Variants in ATXN7L1 observed in about 807,000 individuals in gnomAD.
The protein encoded by ATXN7L1 is ataxin-7-like protein 1.
A neutral mutation model predicts 70.8 loss-of-function variants in ATXN7L1; 15 were observed. The observed-to-expected ratio is 0.21, with a 90% CI of 0.14 to 0.33. The LOEUF (loss-of-function observed/expected upper bound fraction) is 0.33. ATXN7L1 is among the 10% of genes least tolerant of loss of function. The pLI, the probability that ATXN7L1 is intolerant of heterozygous loss-of-function variation, is 1.00. For missense variants in ATXN7L1, 975 were observed against 1,097.1 expected (o/e 0.89, Z 1.57); for synonymous variants, 440 against 445.1 (o/e 0.99, Z 0.14).
intron 3 of ATXN7L1, among the ~76,000 whole-genome samples, chr7:105,710,962 G>A (rs1041363752): frequency 3.9e-5 from 6 of 152,190 alleles, no homozygotes; most frequent in African/African-American, 1.4e-4. Flanking sequence ...CAGGCAAAGA[G>A]AGAGAATGAG....
intron 3 of ATXN7L1, among the ~76,000 whole-genome samples, chr7:105,731,748 A>AAAAAGAAAAGAAAAGAAAAGAAAAGAG (rs1554443666): frequency 0.097 from 10,372 of 106,900 alleles, 1,192 homozygotes; most frequent in East Asian, 0.22. Flanking sequence ...CTTACTCCTT[A>AAAAAGAAAAGAAAAGAAAAGAAAAGAG]AAAAGAAAAG....
At chr7:105,859,782 C>CTTTTTTTTTTTTTT (rs34111825) in intron 2 of ATXN7L1, among the ~76,000 whole-genome samples, 1 of 94,146 alleles carries the variant, frequency 1.1e-5, no homozygotes, top group Non-Finnish European at 2.2e-5. Context: ...TTCTTTCTTT[C>CTTTTTTTTTTTTTT]TTTTTTTTTT....
intron 3 of ATXN7L1, among the ~76,000 whole-genome samples, chr7:105,750,570 G>A (rs1374212040): frequency 6.6e-6 from 1 of 152,072 alleles, no homozygotes; most frequent in Non-Finnish European, 1.5e-5. Flanking sequence ...GGGAGGCAGA[G>A]GCGGGTGCAT....
chr7:105,835,399 C>A (rs1812231155), intron 2 of ATXN7L1, among the ~76,000 whole-genome samples: 1 of 151,276 alleles, frequency 6.6e-6, no homozygotes, highest in African/African-American at 2.4e-5. Context: ...AAGGGACCTG[C>A]CCACCTCAGC....
chr7:105,618,572 G>GA (rs1243826069), intron 9 of ATXN7L1, among the ~76,000 whole-genome samples: 1 of 152,178 alleles, frequency 6.6e-6, no homozygotes, highest in Admixed American at 6.5e-5. Context: ...CTGCCTGGGG[G>GA]AGAGGAGGAA....
chr7:105,819,882 T>C lies in ATXN7L1; in HGVS notation c.251-31174A>G, dbSNP rs1809851304. On this transcript the variant is annotated intron_variant, in intron 2 of 11. Transcript: ENST00000419735. ...CCCTCAAGGTCATGCATCTGAAGCCTACAAGAAACTTTGCCTACGTGGGGC... is the reference window on the plus strand; with the variant it reads ...CCCTCAAGGTCATGCATCTGAAGCCCACAAGAAACTTTGCCTACGTGGGGC... The C allele has an allele frequency of 8.6e-6, 5 of 580,120 alleles. No homozygotes were observed. In the Admixed American group the frequency reaches 9.7e-5, roughly 11 times the overall value. 35.9% of individuals were successfully genotyped at this position (580,120 alleles called of 1,614,324 possible). A position where few individuals can be genotyped will look rare whatever the true frequency, so the allele number is the denominator to read the frequency against.
intron 2 of ATXN7L1, among the ~76,000 whole-genome samples, chr7:105,789,004 T>A (rs1430412213): frequency 6.6e-6 from 1 of 152,196 alleles, no homozygotes; most frequent in East Asian, 1.9e-4. Context: ...AATCACCCTG[T>A]CCTGAGAGAA....
chr7:105,853,110 C>G (rs1815124411), intron 2 of ATXN7L1, among the ~76,000 whole-genome samples: 1 of 152,134 alleles, frequency 6.6e-6, no homozygotes, highest in African/African-American at 2.4e-5. Context: ...TTTAGAGTTT[C>G]TGTTTGGGAT....
At chr7:105,623,887 CCCA>C (rs1795290916) in intron 8 of ATXN7L1, among the ~76,000 whole-genome samples, 185 bp downstream of exon 8, 1 of 152,200 alleles carries the variant, frequency 6.6e-6, no homozygotes, top group Admixed American at 6.5e-5. Context: ...AAGCTGGGAG[CCCA>C]TTCCTTTCCT....
At position 105,765,798 on chromosome 7, in the gene ATXN7L1, C is replaced by T. The variant is rs140252236; in HGVS notation, c.355+22806G>A. ...TTAGTAGCCTGTGTAAGAATCCGAT[C>T]CATGCTCAACAGATCCTGCTTGGAG... On this transcript the variant is annotated intron_variant, in intron 3 of 11. Transcript: ENST00000419735. Among the ~76,000 whole-genome samples, 312 of 152,304 alleles carry T rather than the reference C, an allele frequency of 2.0e-3. 2 individuals carry two copies. The highest frequency in any genetic ancestry group is 7.3e-3 in the African/African-American group (302 of 41,560).
chr7:105,743,420 C>T (rs536493811), intron 3 of ATXN7L1, among the ~76,000 whole-genome samples: 2 of 152,190 alleles, frequency 1.3e-5, no homozygotes, highest in Admixed American at 6.5e-5. Context: ...CCGGCTGGCT[C>T]ACTGTCTCTG....
chr7:105,795,064 T>C (rs1563099386), intron 2 of ATXN7L1, among the ~76,000 whole-genome samples: 1 of 152,186 alleles, frequency 6.6e-6, no homozygotes, highest in Non-Finnish European at 1.5e-5. Context: ...CAGGCCTCTG[T>C]CCACTCTCAC....
chr7:105,768,851 G>A (rs549433785), intron 3 of ATXN7L1, among the ~76,000 whole-genome samples: 4 of 152,370 alleles, frequency 2.6e-5, no homozygotes, highest in Non-Finnish European at 5.9e-5. Context: ...GCTAGAGGAT[G>A]TATTCATTGC....
At position 105,655,812 on chromosome 7, in the gene ATXN7L1, T is replaced by C. The variant is rs1354598797; in HGVS notation, c.578+9254A>G. Among the ~76,000 whole-genome samples, 4 of 152,098 alleles carry C rather than the reference T, an allele frequency of 2.6e-5. No homozygotes were observed. In the East Asian group the frequency reaches 7.7e-4, roughly 29 times the overall value. On this transcript the variant is annotated intron_variant, in intron 4 of 11. Coordinates refer to ENST00000419735, the MANE Select transcript of ATXN7L1 (RefSeq NM_020725.2). ...CCCAGTTGCTCCGGGAAGACCCGCC[T>C]GGTAATTCCAAGCATTTGGAGAGGA...
At chr7:105,636,617 A>C (rs1260694006) in intron 7 of ATXN7L1, among the ~76,000 whole-genome samples, 4 of 152,174 alleles carry the variant, frequency 2.6e-5, no homozygotes, top group Non-Finnish European at 5.9e-5. Context: ...TTCAGGCTCC[A>C]CTGTTTTATT....
chr7:105,608,490 A>C (rs1396524906), intron 11 of ATXN7L1, among the ~76,000 whole-genome samples: 1 of 152,148 alleles, frequency 6.6e-6, no homozygotes, highest in Non-Finnish European at 1.5e-5. Context: ...TGTGTTTGTC[A>C]GGGCTGATTG....
intron 2 of ATXN7L1, among the ~76,000 whole-genome samples, chr7:105,863,490 A>C (rs1337530897): frequency 4.6e-5 from 7 of 152,202 alleles, no homozygotes; most frequent in Admixed American, 4.6e-4. Context: ...CTTAAGGGGC[A>C]CTCACTCCGC....
chr7:105,671,747 A>C (rs567756204), intron 3 of ATXN7L1, among the ~76,000 whole-genome samples: 9 of 151,924 alleles, frequency 5.9e-5, no homozygotes, highest in Admixed American at 2.6e-4. Flanking sequence ...AATTAAAAAC[A>C]ATCAGCCAGG....
chr7:105,819,947 C>T, intron 2 of ATXN7L1: 2 of 492,468 alleles, frequency 4.1e-6, no homozygotes, highest in South Asian at 3.0e-5. Flanking sequence ...CTGGCAGTGG[C>T]ATCTACCCTG....
Sources: gnomAD v4.1 joint callset for allele counts (sites outside exome capture counted in the v4.1 genomes callset) on GRCh38, gnomAD v4.1.1 for gene constraint, MANE v1.5 for transcripts, NCBI Gene and HGNC (gene_info 2026-07-23, HGNC 2026-07-21) for gene names.